Variants in SCEL observed in about 807,000 individuals in gnomAD.
The protein encoded by SCEL is sciellin.
A neutral mutation model predicts 117.6 loss-of-function variants in SCEL; 113 were observed. That is an observed-to-expected ratio of 0.96 (90% confidence interval 0.83 to 1.12). The LOEUF (loss-of-function observed/expected upper bound fraction) is 1.12. SCEL is among the 50% of genes most tolerant of loss of function. The probability of loss-of-function intolerance (pLI) is 0.00; values close to 1 mark genes in which losing one functional copy is unlikely to be tolerated. For missense variants in SCEL, 785 were observed against 810.8 expected (o/e 0.97, Z 0.39); for synonymous variants, 270 against 256.2 (o/e 1.05, Z -0.51).
chr13:77,552,111 T>C (rs889552526), intron 1 of SCEL, among the ~76,000 whole-genome samples: 19 of 152,140 alleles, frequency 1.2e-4, no homozygotes, highest in Non-Finnish European at 2.6e-4. Context: ...ACATTTGGGT[T>C]GGCTCCAAGT....
chr13:77,603,057 T>G lies in SCEL; in HGVS notation c.1038-19T>G, dbSNP rs751062727. The G allele has an allele frequency of 2.8e-6, 4 of 1,452,152 alleles. No individual in the cohort carries two copies. The East Asian group carries it at 6.9e-5, about 25-fold the overall frequency. 90.0% of individuals were successfully genotyped at this position (1,452,152 alleles called of 1,614,324 possible). The stretch of plus-strand genomic sequence containing the variant: ...TTATGGGAATGTTTTGAAACTGATA[T>G]AAACTTTTTTTTTTAAAGAAGTGAA... On this transcript the variant is annotated intron_variant, in intron 17 of 32. Transcript: ENST00000349847.
At chr13:77,609,763 T>C (rs1305913692) in intron 21 of SCEL, among the ~76,000 whole-genome samples, 5 of 152,222 alleles carry the variant, frequency 3.3e-5, no homozygotes, top group Non-Finnish European at 7.3e-5. Flanking sequence ...ATAGGATTGA[T>C]GTGAGTATTA....
At chr13:77,622,173 G>A (rs1023485481) in intron 27 of SCEL, among the ~76,000 whole-genome samples, 2 of 152,094 alleles carry the variant, frequency 1.3e-5, no homozygotes, top group Non-Finnish European at 2.9e-5. Flanking sequence ...GAATACCATA[G>A]TAAATTTTTT....
intron 1 of SCEL, among the ~76,000 whole-genome samples, chr13:77,548,674 G>T (rs975757894): frequency 1.3e-5 from 2 of 152,146 alleles, no homozygotes; most frequent in Non-Finnish European, 2.9e-5. Context: ...ATGGAGGCAC[G>T]GTTTTTTTCC....
intron 28 of SCEL, among the ~76,000 whole-genome samples, chr13:77,632,153 T>C (rs907369575): frequency 6.6e-6 from 1 of 152,238 alleles, no homozygotes; most frequent in Non-Finnish European, 1.5e-5. Flanking sequence ...TATAGTCACA[T>C]TGAAGGTTAT....
At chr13:77,596,188 C>T (rs901631611) in intron 12 of SCEL, among the ~76,000 whole-genome samples, 2 of 152,124 alleles carry the variant, frequency 1.3e-5, no homozygotes, top group South Asian at 4.2e-4. Flanking sequence ...CAAAAATTAG[C>T]TGGGCATGGT....
intron 2 of SCEL, 71 bp from the exon 3 acceptor site, chr13:77,556,525 T>A (rs1192521231): frequency 6.2e-6 from 8 of 1,283,064 alleles, no homozygotes; most frequent in Non-Finnish European, 9.1e-6. Flanking sequence ...CTCTCAGGAT[T>A]TTCAGGTTAA....
At position 77,627,933 on chromosome 13, in the gene SCEL, ATT is replaced by A; in HGVS notation, c.1629-8_1629-7del. Reference sequence around the variant, plus strand: ...ATGTTGTAATTATTCATATATATATATTTTTTTCCTTAGAGACCAGAACCTGG... The same window carrying A: ...ATGTTGTAATTATTCATATATATATATTTTTCCTTAGAGACCAGAACCTGG... On this transcript the variant is annotated splice_polypyrimidine_tract_variant and intron_variant, in intron 27 of 32. Coordinates refer to ENST00000349847, the MANE Select transcript of SCEL (RefSeq NM_144777.3). 8.3e-7 allele frequency: 1 copy of A among 1,198,152 alleles called. No individual in the cohort carries two copies. The highest frequency in any genetic ancestry group is 1.2e-6 in the Non-Finnish European group (1 of 843,318). 74.2% of individuals were successfully genotyped at this position (1,198,152 alleles called of 1,614,324 possible). A position where few individuals can be genotyped will look rare whatever the true frequency, so the allele number is the denominator to read the frequency against.
intron 1 of SCEL, among the ~76,000 whole-genome samples, chr13:77,549,821 G>T (rs1270763514): frequency 3.3e-5 from 5 of 152,102 alleles, no homozygotes; most frequent in African/African-American, 1.2e-4. Flanking sequence ...TAACATTTAG[G>T]AGTTGATACA....
chr13:77,539,985 G>A (rs2083614344), intron 1 of SCEL, among the ~76,000 whole-genome samples: 1 of 152,104 alleles, frequency 6.6e-6, no homozygotes, highest in South Asian at 2.1e-4. Context: ...AAAGTAGCTT[G>A]TTTTTATTGT....
chr13:77,594,449 T>C (rs1207501426), intron 12 of SCEL, among the ~76,000 whole-genome samples: 1 of 152,204 alleles, frequency 6.6e-6, no homozygotes, highest in East Asian at 1.9e-4. Context: ...ACCATGCCAA[T>C]CCATCCAAGC....
chr13:77,618,124 C>T (rs2089196060), intron 27 of SCEL, 64 bp downstream of exon 27: 1 of 1,227,958 alleles, frequency 8.1e-7, no homozygotes, highest in East Asian at 2.3e-5. Context: ...CTCCCTCCCT[C>T]CTTGCCTCCC....
At chr13:77,602,216 G>T in intron 16 of SCEL, 92 bp downstream of exon 16, 1 of 1,058,402 alleles carries the variant, frequency 9.4e-7, no homozygotes, top group Non-Finnish European at 1.4e-6. Context: ...TTCCTTTGTG[G>T]CAGTGAACTC....
chr13:77,606,501 C>G (rs1337602113), intron 19 of SCEL: 1 of 152,170 alleles, frequency 6.6e-6, no homozygotes, highest in Non-Finnish European at 1.5e-5. Context: ...TTTGAATACA[C>G]AAGTCTGGAA....
intron 22 of SCEL, among the ~76,000 whole-genome samples, chr13:77,612,446 T>TTTTTC: frequency 7.9e-6 from 1 of 125,856 alleles, no homozygotes; most frequent in East Asian, 2.1e-4. Flanking sequence ...AATAACTGCT[T>TTTTTC]TTTTCTTTTC....
intron 1 of SCEL, among the ~76,000 whole-genome samples, chr13:77,536,154 G>A (rs895646673): frequency 6.6e-6 from 1 of 151,494 alleles, no homozygotes; most frequent in Admixed American, 6.6e-5. Context: ...AGCACCTGCT[G>A]GTTTATTTTC....
At chr13:77,576,703 A>G (rs547144781) in intron 9 of SCEL, among the ~76,000 whole-genome samples, 1 of 152,318 alleles carries the variant, frequency 6.6e-6, no homozygotes, top group East Asian at 1.9e-4. Context: ...TGGGAATAGC[A>G]TTGACTCTCT....
chr13:77,605,554 G>C (rs558828760), intron 19 of SCEL, among the ~76,000 whole-genome samples: 13 of 151,924 alleles, frequency 8.6e-5, no homozygotes, highest in Admixed American at 4.6e-4. Flanking sequence ...TACAAAAGAG[G>C]GATCATAAGA....
intron 24 of SCEL, among the ~76,000 whole-genome samples, chr13:77,616,030 G>T (rs1466501260): frequency 6.6e-6 from 1 of 151,642 alleles, no homozygotes; most frequent in Non-Finnish European, 1.5e-5. Flanking sequence ...GTGTGTGTGT[G>T]TGTGTGTGTG....
Sources: gnomAD v4.1 joint callset for allele counts (sites outside exome capture counted in the v4.1 genomes callset) on GRCh38, gnomAD v4.1.1 for gene constraint, MANE v1.5 for transcripts, NCBI Gene and HGNC (gene_info 2026-07-23, HGNC 2026-07-21) for gene names.